The following GRIN2B variants were observed in gnomAD, a reference collection of about 807,000 sequenced individuals.
The protein encoded by GRIN2B is glutamate receptor ionotropic, NMDA 2B.
A neutral mutation model predicts 114.5 loss-of-function variants in GRIN2B; 5 were observed. The ratio of observed to expected loss-of-function variants is 0.04; its 90% confidence interval spans 0.02 to 0.09. The LOEUF (loss-of-function observed/expected upper bound fraction) is 0.09. Among genes scored for constraint, GRIN2B ranks in the 10% least tolerant of loss-of-function variants. The probability of loss-of-function intolerance (pLI) is 1.00; values close to 1 mark genes in which losing one functional copy is unlikely to be tolerated. For synonymous variants in GRIN2B, 787 were observed against 745.1 expected (o/e 1.06, Z -0.92); for missense variants, 1,108 against 1,943.5 (o/e 0.57, Z 8.08).
In GRIN2B at chr12:13,562,932, C is replaced by T. The variant is rs1948567613; in HGVS notation, c.4306G>A (p.Gly1436Arg). The T allele has an allele frequency of 6.2e-7, 1 of 1,614,022 alleles. No individual in the cohort carries two copies. ...TNKPVVSALHGAVPARFQKDI... is the reference protein window; with the variant it reads ...TNKPVVSALHRAVPARFQKDI... ...TTCTGGAAACGGGCTGGCACGGCCC[C>T]ATGAAGGGCCGAGACCACCGGCTTG... is the stretch of plus-strand genomic sequence containing the variant. Residue 1436 changes from glycine to arginine, a missense_variant, in exon 14 of 14, where the codon GGG (glycine) becomes AGG (arginine). Gly to Arg is a moderately radical substitution (Grantham distance 125, BLOSUM62 -2). This residue lies in a region of GRIN2B where 478 missense variants were observed against 506.0 expected (regional missense o/e 0.94). Transcript: ENST00000609686.
At chr12:13,629,193 G>A (rs77009367) in intron 5 of GRIN2B, among the ~76,000 whole-genome samples, 10,085 of 152,230 alleles carry the variant, frequency 0.066, 490 homozygotes, top group South Asian at 0.14. Context: ...GCCCAGGGTC[G>A]ACCACTCTTC....
chr12:13,818,759 G>A (rs1864876095), intron 3 of GRIN2B, among the ~76,000 whole-genome samples: 1 of 152,140 alleles, frequency 6.6e-6, no homozygotes, highest in South Asian at 2.1e-4. Flanking sequence ...GCCTGTCCCA[G>A]AGACTGGTCC....
intron 3 of GRIN2B, among the ~76,000 whole-genome samples, chr12:13,840,528 G>A (rs116612316): frequency 0.021 from 3,130 of 151,616 alleles, 103 homozygotes; most frequent in African/African-American, 0.072. Context: ...TATAAAATGG[G>A]AGTAATAATA....
intron 2 of GRIN2B, among the ~76,000 whole-genome samples, chr12:13,919,664 A>G (rs924803404): frequency 1.3e-5 from 2 of 152,186 alleles, no homozygotes; most frequent in South Asian, 4.1e-4. Context: ...AAATGACAGT[A>G]TCCATTTATA....
chr12:13,613,050 G>C (rs776891998), intron 8 of GRIN2B, among the ~76,000 whole-genome samples: 2 of 152,166 alleles, frequency 1.3e-5, no homozygotes, highest in Non-Finnish European at 2.9e-5. Flanking sequence ...ATTTTTAAAA[G>C]ATCTTGATAA....
chr12:13,975,705 A>C (rs542960296), intron 2 of GRIN2B, among the ~76,000 whole-genome samples: 1 of 152,366 alleles, frequency 6.6e-6, no homozygotes, highest in Admixed American at 6.5e-5. Context: ...CACTACGCTA[A>C]GTACAAATGA....
chr12:13,675,088 C>T (rs1057485464), intron 5 of GRIN2B, among the ~76,000 whole-genome samples: 25 of 152,088 alleles, frequency 1.6e-4, no homozygotes, highest in African/African-American at 6.0e-4. Flanking sequence ...ATGAACCAGG[C>T]AACTTTCTAA....
At chr12:13,836,421 G>A (rs552038882) in intron 3 of GRIN2B, among the ~76,000 whole-genome samples, 1 of 152,318 alleles carries the variant, frequency 6.6e-6, no homozygotes, top group African/African-American at 2.4e-5. Context: ...TGGAAACCAT[G>A]CCTAAATGAA....
intron 3 of GRIN2B, among the ~76,000 whole-genome samples, chr12:13,757,032 G>A (rs1863588065): frequency 6.6e-6 from 1 of 152,104 alleles, no homozygotes; most frequent in Non-Finnish European, 1.5e-5. Context: ...CATCCTTACC[G>A]TACCTTCTAG....
rs1355414825 is a variant in GRIN2B at position 13,560,999 on chromosome 12, C to T, written c.*1784G>A. The T allele has an allele frequency of 6.6e-6, 1 of 152,114 alleles. No individual in the cohort carries two copies. The highest frequency in any genetic ancestry group is 1.5e-5 in the Non-Finnish European group (1 of 68,068). 9.4% of individuals were successfully genotyped at this position (152,114 alleles called of 1,614,324 possible). ...TCCTGCAGTCAAGCTTCCACACAGA[C>T]CTGGGGCTCTCTGGATGCCACCCTG... On this transcript the variant is annotated 3_prime_UTR_variant, in exon 14 of 14. Coordinates refer to ENST00000609686, the MANE Select transcript of GRIN2B (RefSeq NM_000834.5).
At chr12:13,754,551 G>A (rs1382066193) in intron 3 of GRIN2B, among the ~76,000 whole-genome samples, 1 of 149,308 alleles carries the variant, frequency 6.7e-6, no homozygotes, top group Non-Finnish European at 1.5e-5. Flanking sequence ...AGTATACGTA[G>A]TATGAAATTG....
chr12:13,868,579 T>A (rs139112302), intron 2 of GRIN2B, among the ~76,000 whole-genome samples: 2,712 of 152,282 alleles, frequency 0.018, 46 homozygotes, highest in Middle Eastern at 0.054. Flanking sequence ...AATCCTACAG[T>A]TACAAGTCAC....
At chr12:13,904,402 A>C (rs962497463) in intron 2 of GRIN2B, among the ~76,000 whole-genome samples, 6 of 152,124 alleles carry the variant, frequency 3.9e-5, no homozygotes, top group African/African-American at 1.4e-4. Context: ...TTCAGAAAAT[A>C]CAAGCATCTT....
chr12:13,863,503 G>C (rs1865780025), intron 3 of GRIN2B, among the ~76,000 whole-genome samples: 1 of 152,154 alleles, frequency 6.6e-6, no homozygotes, highest in African/African-American at 2.4e-5. Flanking sequence ...TAGCATTTTG[G>C]ATATGTTACT....
At chr12:13,797,798 C>T (rs1315100392) in intron 3 of GRIN2B, among the ~76,000 whole-genome samples, 2 of 152,154 alleles carry the variant, frequency 1.3e-5, no homozygotes, top group Non-Finnish European at 2.9e-5. Flanking sequence ...AAAGTGTTGT[C>T]TAAATTGGAT....
intron 2 of GRIN2B, among the ~76,000 whole-genome samples, chr12:13,958,331 T>A (rs1474412409): frequency 1.3e-5 from 2 of 152,182 alleles, no homozygotes; most frequent in African/African-American, 4.8e-5. Flanking sequence ...TCACAAGAAC[T>A]GAGTCCAAAC....
At chr12:13,934,619 T>A (rs535056504) in intron 2 of GRIN2B, among the ~76,000 whole-genome samples, 1 of 152,346 alleles carries the variant, frequency 6.6e-6, no homozygotes, top group African/African-American at 2.4e-5. Context: ...CTCCACAGGC[T>A]ACCAAGTGGG....
intron 4 of GRIN2B, among the ~76,000 whole-genome samples, chr12:13,716,785 C>A (rs924790958): frequency 1.3e-5 from 2 of 151,872 alleles, no homozygotes; most frequent in African/African-American, 4.8e-5. Context: ...TCATTCCATT[C>A]CTGTCGTGTC....
rs139028995 is a variant in GRIN2B at position 13,761,389 on chromosome 12, C to T, written c.412-7474G>A. ...TATTCATTCACTTTGAGAATGTCTACAAGATTCTTGATATTCTAGGTCACA... is the reference window on the plus strand; with the variant it reads ...TATTCATTCACTTTGAGAATGTCTATAAGATTCTTGATATTCTAGGTCACA... On this transcript the variant is annotated intron_variant, in intron 3 of 13. Coordinates refer to ENST00000609686, the MANE Select transcript of GRIN2B (RefSeq NM_000834.5). Among the ~76,000 whole-genome samples the T allele has an allele frequency of 1.6e-3, 240 of 152,236 alleles. 1 individual carries two copies. The highest frequency in any genetic ancestry group is 5.5e-3 in the African/African-American group (227 of 41,530).
Sources: allele counts gnomAD v4.1 joint callset (sites outside exome capture counted in the v4.1 genomes callset), GRCh38; gene constraint gnomAD v4.1.1; regional missense constraint gnomAD v4.1.1; transcripts MANE v1.5; gene names NCBI Gene and HGNC (gene_info 2026-07-23, HGNC 2026-07-21).